PLXNA4: variants seen among roughly 807,000 people sequenced by gnomAD.
PLXNA4 encodes the protein plexin-A4.
In PLXNA4, 44 loss-of-function variants were observed where a neutral mutation model predicts 191.8. That is an observed-to-expected ratio of 0.23 (90% CI 0.18 to 0.29). PLXNA4 has a LOEUF of 0.29. PLXNA4 is among the 10% of genes least tolerant of loss of function. The pLI is 1.00. For synonymous variants in PLXNA4, 1,082 were observed against 1,009.5 expected, an observed-to-expected ratio of 1.07 and a Z score of -1.36; for missense variants, 1,800 against 2,488.8, an observed-to-expected ratio of 0.72 and a Z score of 5.89.
At chr7:132,460,602 G>A (rs74549606) in intron 3 of PLXNA4, among the ~76,000 whole-genome samples, 62 of 152,260 alleles carry the variant, frequency 4.1e-4, no homozygotes, top group East Asian at 2.7e-3. Context: ...GCCACCAGCT[G>A]AGAAGTGTGG....
chr7:132,182,637 T>C (rs1445243825), intron 16 of PLXNA4, among the ~76,000 whole-genome samples: 1 of 152,240 alleles, frequency 6.6e-6, no homozygotes. Flanking sequence ...CTGCAGGGGC[T>C]GAGCACAGTC....
At chr7:132,156,873 G>C (rs1453785966) in intron 25 of PLXNA4, among the ~76,000 whole-genome samples, 1 of 152,208 alleles carries the variant, frequency 6.6e-6, no homozygotes, top group Admixed American at 6.5e-5. Flanking sequence ...GCTTTGGTAA[G>C]AAGAAGCCTA....
At chr7:132,195,821 T>C (rs1044722124) in intron 13 of PLXNA4, among the ~76,000 whole-genome samples, 1 of 152,262 alleles carries the variant, frequency 6.6e-6, no homozygotes, top group Non-Finnish European at 1.5e-5. Context: ...AATGATTTTC[T>C]CCACGCTTGT....
Position 132,141,377 on chromosome 7 carries a change from C to T in PLXNA4, c.5226-566G>A, listed in dbSNP as rs184878726. 8.5e-5 allele frequency among the ~76,000 whole-genome samples: 13 copies of T among 152,274 alleles called. No individual in the cohort carries two copies. In the East Asian group the frequency reaches 1.2e-3, roughly 14 times the overall value. ...CTGATTTTTCATTTCTAAGCTGGCA[C>T]GCTTGAAAACCCACATTCACCCACC... On this transcript the variant is annotated intron_variant, in intron 29 of 31. Coordinates refer to ENST00000321063, the MANE Select transcript of PLXNA4 (RefSeq NM_020911.2).
intron 18 of PLXNA4, 58 bp downstream of exon 18, chr7:132,181,323 C>T: frequency 1.2e-6 from 2 of 1,603,274 alleles, no homozygotes; most frequent in Non-Finnish European, 1.7e-6. Flanking sequence ...TTGAACACCC[C>T]CTTCCATGCA....
intron 1 of PLXNA4, among the ~76,000 whole-genome samples, chr7:132,531,757 A>T (rs1430099512): frequency 2.0e-5 from 3 of 152,234 alleles, no homozygotes; most frequent in African/African-American, 4.8e-5. Context: ...ACGATGCATC[A>T]GAATCACCTG....
intron 1 of PLXNA4, among the ~76,000 whole-genome samples, chr7:132,557,398 T>C (rs544575405): frequency 1.3e-5 from 2 of 151,550 alleles, no homozygotes; most frequent in African/African-American, 4.8e-5. Flanking sequence ...GGCAGGAGAG[T>C]TTATCAAAAC....
chr7:132,140,494 T>C (rs966027249), intron 30 of PLXNA4, 105 bp downstream of exon 30: 2 of 1,471,750 alleles, frequency 1.4e-6, no homozygotes, highest in Non-Finnish European at 1.8e-6. Context: ...TGTGAATGAC[T>C]CATCTGGAAA....
At chr7:132,505,994 C>T (rs1217743283) in intron 2 of PLXNA4, among the ~76,000 whole-genome samples, 1 of 152,092 alleles carries the variant, frequency 6.6e-6, no homozygotes, top group African/African-American at 2.4e-5. Context: ...CAGTCTGGCT[C>T]TGATTTGTCA....
At chr7:132,293,760 G>A (rs1800977301) in intron 4 of PLXNA4, among the ~76,000 whole-genome samples, 1 of 152,140 alleles carries the variant, frequency 6.6e-6, no homozygotes, top group African/African-American at 2.4e-5. Context: ...TAAGCCTCCT[G>A]GATTATCATC....
chr7:132,166,871 G>C (rs2116659206), intron 22 of PLXNA4, among the ~76,000 whole-genome samples: 1 of 152,208 alleles, frequency 6.6e-6, no homozygotes, highest in East Asian at 1.9e-4. Context: ...TTCCAAAGCT[G>C]TCTGCTGGCT....
At chr7:132,205,407 CT>C (rs1306209073) in intron 10 of PLXNA4, among the ~76,000 whole-genome samples, 2 of 152,152 alleles carry the variant, frequency 1.3e-5, no homozygotes, top group Non-Finnish European at 2.9e-5. Flanking sequence ...TAGAGAATCC[CT>C]GCAGTCTATT....
At chr7:132,405,606 G>A (rs141015483) in intron 3 of PLXNA4, among the ~76,000 whole-genome samples, 17 of 152,312 alleles carry the variant, frequency 1.1e-4, no homozygotes, top group Admixed American at 3.9e-4. Context: ...TGGAGCCCAG[G>A]CTGCAAAGCC....
At chr7:132,646,645 C>A (rs1803875337) in intron 1 of PLXNA4, among the ~76,000 whole-genome samples, 1 of 152,122 alleles carries the variant, frequency 6.6e-6, no homozygotes, top group African/African-American at 2.4e-5. Flanking sequence ...TTGCTCTTGG[C>A]CTTCCTAGCC....
chr7:132,197,405 G>T lies in PLXNA4; in HGVS notation c.2738+1080C>A, dbSNP rs909000199. Among the ~76,000 whole-genome samples, 12 of 152,008 alleles carry T rather than the reference G, an allele frequency of 7.9e-5. 1 individual carries two copies. The highest frequency in any genetic ancestry group is 7.9e-4 in the Admixed American group (12 of 15,258). On this transcript the variant is annotated intron_variant, in intron 13 of 31. Transcript: ENST00000321063. ...TCTATCTTACTTTACTGATCTAACTGGTATCACAATATTTTAATCATGTGG... is the reference window on the plus strand; with the variant it reads ...TCTATCTTACTTTACTGATCTAACTTGTATCACAATATTTTAATCATGTGG...
chr7:132,213,765 T>C (rs6467425), intron 9 of PLXNA4, among the ~76,000 whole-genome samples: 80,153 of 151,960 alleles, frequency 0.53, 22,369 homozygotes, highest in African/African-American at 0.68. Flanking sequence ...TGGGCAGCTT[T>C]CCCTCCCCTG....
At chr7:132,334,012 G>T (rs1802705633) in intron 3 of PLXNA4, among the ~76,000 whole-genome samples, 2 of 152,114 alleles carry the variant, frequency 1.3e-5, no homozygotes, top group Non-Finnish European at 2.9e-5. Flanking sequence ...AGCTGCTGTT[G>T]TTATGCTTAT....
At chr7:132,506,267 C>A (rs1798459836) in intron 2 of PLXNA4, among the ~76,000 whole-genome samples, 2 of 152,072 alleles carry the variant, frequency 1.3e-5, no homozygotes, top group African/African-American at 4.8e-5. Flanking sequence ...GGGTGCCAGT[C>A]CCCACTGAGA....
intron 3 of PLXNA4, among the ~76,000 whole-genome samples, chr7:132,400,273 C>T (rs1793932512): frequency 6.6e-6 from 1 of 152,118 alleles, no homozygotes; most frequent in Non-Finnish European, 1.5e-5. Flanking sequence ...TAAAGGACTC[C>T]ACTTTCTCTA....
Sources: gnomAD v4.1 joint callset for allele counts (sites outside exome capture counted in the v4.1 genomes callset) on GRCh38, gnomAD v4.1.1 for gene constraint, MANE v1.5 for transcripts, NCBI Gene and HGNC (gene_info 2026-07-23, HGNC 2026-07-21) for gene names.